Variants in CFTR observed in about 807,000 individuals in gnomAD.
The protein encoded by CFTR is cystic fibrosis transmembrane conductance regulator.
A neutral mutation model predicts 171.6 loss-of-function variants in CFTR; 181 were observed. The observed-to-expected ratio is 1.05, with a 90% CI of 0.93 to 1.19. CFTR has a LOEUF of 1.19. CFTR is among the 50% of genes most tolerant of loss of function. The pLI, the probability that CFTR is intolerant of heterozygous loss-of-function variation, is 0.00. For synonymous variants in CFTR, 583 were observed against 608.0 expected (o/e 0.96, Z 0.60); for missense variants, 1,968 against 1,734.7 (o/e 1.13, Z -2.39).
chr7:117,620,860 A>C (rs570740462), intron 21 of CFTR, among the ~76,000 whole-genome samples: 33 of 152,260 alleles, frequency 2.2e-4, no homozygotes, highest in African/African-American at 7.5e-4. Context: ...TAATCCCAGC[A>C]CTTTGAGAGC....
rs376666464 is a variant in CFTR, at chr7:117,508,967, A to C, written c.165-67A>C. ...TACTTGTGTGAATCAAACTATGTTA[A>C]GGGAAATAGGACAACTAAAATATTT... On this transcript the variant is annotated intron_variant, in intron 2 of 26. Transcript: ENST00000003084. The C allele has an allele frequency of 5.7e-4, 559 of 972,500 alleles. 15 individuals are homozygous for C. The South Asian group carries it at 6.9e-3, about 12-fold the overall frequency. 60.2% of individuals were successfully genotyped at this position (972,500 alleles called of 1,614,324 possible).
At chr7:117,617,727 A>G (rs1184713477) in intron 21 of CFTR, among the ~76,000 whole-genome samples, 1 of 151,748 alleles carries the variant, frequency 6.6e-6, no homozygotes, top group Non-Finnish European at 1.5e-5. Context: ...AATATGCAAT[A>G]CCTCCCTCTT....
At chr7:117,512,171 G>C (rs1798529488) in intron 3 of CFTR, among the ~76,000 whole-genome samples, 1 of 151,996 alleles carries the variant, frequency 6.6e-6, no homozygotes, top group African/African-American at 2.4e-5. Flanking sequence ...AACTGTGAAA[G>C]GTTAAAAAAA....
intron 11 of CFTR, among the ~76,000 whole-genome samples, chr7:117,568,039 A>T (rs966996272): frequency 6.6e-6 from 1 of 152,188 alleles, no homozygotes; most frequent in African/African-American, 2.4e-5. Context: ...ACGAGGCCTG[A>T]TGCCAAGAGA....
intron 11 of CFTR, among the ~76,000 whole-genome samples, chr7:117,566,280 C>T (rs977132781): frequency 3.3e-5 from 5 of 151,258 alleles, no homozygotes; most frequent in Admixed American, 1.3e-4. Context: ...CACACACACA[C>T]ACACACTAGC....
rs559770566 is a variant in CFTR at position 117,628,169 on chromosome 7, CT to C, written c.3717+406del. Among the ~76,000 whole-genome samples the C allele has an allele frequency of 1.2e-4, 19 of 152,176 alleles. No homozygotes were observed. In the East Asian group the frequency reaches 1.4e-3, roughly 11 times the overall value. ...GTTCCATTCTGCCAAACAAGTGATA[CT>C]TTTTTTCTAGCTTTTTTCAGTTTGT... is the stretch of plus-strand genomic sequence containing the variant. On this transcript the variant is annotated intron_variant, in intron 22 of 26. Coordinates refer to ENST00000003084, the MANE Select transcript of CFTR (RefSeq NM_000492.4).
chr7:117,550,911 T>C (rs950697127), intron 10 of CFTR, among the ~76,000 whole-genome samples: 3 of 152,200 alleles, frequency 2.0e-5, no homozygotes, highest in African/African-American at 7.2e-5. Context: ...CTTTTAGTAG[T>C]ATTAGGAATG....
intron 20 of CFTR, among the ~76,000 whole-genome samples, chr7:117,614,149 C>T (rs1484730706): frequency 6.6e-6 from 1 of 151,910 alleles, no homozygotes; most frequent in Admixed American, 6.6e-5. Flanking sequence ...CTTGCAAAGG[C>T]ACAGAACACA....
chr7:117,629,961 C>T (rs1485516872), intron 22 of CFTR, among the ~76,000 whole-genome samples: 7 of 152,150 alleles, frequency 4.6e-5, no homozygotes, highest in African/African-American at 1.7e-4. Context: ...GATCTTAAAC[C>T]CAGATACCAT....
At chr7:117,480,819 C>T (rs1343125904) in intron 1 of CFTR, among the ~76,000 whole-genome samples, 1 of 152,068 alleles carries the variant, frequency 6.6e-6, no homozygotes, top group East Asian at 1.9e-4. Context: ...GTATTCATAG[C>T]CTAATGTGAT....
Position 117,542,039 on chromosome 7 carries a change from T to A in CFTR, c.1140T>A (p.Tyr380Ter), listed in dbSNP as rs1236277028. 2 of 1,575,816 alleles carry A rather than the reference T, an allele frequency of 1.3e-6. No homozygotes were observed. Among genetic ancestry groups the A allele is most frequent in the South Asian group, 1.1e-5 (1 of 90,232 alleles). The change falls in exon 9 of 27, where the codon TAT (tyrosine) becomes TAA (stop). Residue 380 changes from tyrosine to a stop codon, truncating the protein, a stop_gained. Coordinates refer to ENST00000003084, the MANE Select transcript of CFTR (RefSeq NM_000492.4). LOFTEE classifies it high-confidence loss of function. Reference sequence around the variant, plus strand: ...AGGATTTCTTACAAAAGCAAGAATATAAGACATTGGAATATAACTTAACGA... The same window carrying A: ...AGGATTTCTTACAAAAGCAAGAATAAAAGACATTGGAATATAACTTAACGA... Reference protein sequence around the residue: ...KIQDFLQKQEYKTLEYNLTTT... With the variant: ...KIQDFLQKQE
intron 21 of CFTR, among the ~76,000 whole-genome samples, chr7:117,621,971 T>C (rs539324411): frequency 2.0e-5 from 3 of 152,334 alleles, no homozygotes; most frequent in East Asian, 3.9e-4. Context: ...TGGTGTTAAC[T>C]TGGGATATGC....
chr7:117,532,746 T>C (rs951853659), intron 4 of CFTR, among the ~76,000 whole-genome samples: 1 of 152,194 alleles, frequency 6.6e-6, no homozygotes, highest in African/African-American at 2.4e-5. Context: ...CCTTTCTCAA[T>C]GTTGCATATC....
At chr7:117,578,129 T>C (rs1791797717) in intron 11 of CFTR, among the ~76,000 whole-genome samples, 1 of 152,092 alleles carries the variant, frequency 6.6e-6, no homozygotes, top group African/African-American at 2.4e-5. Context: ...ATAGCCAAGT[T>C]ATTGTACAGT....
intron 17 of CFTR, chr7:117,605,007 G>A (rs1455565042): frequency 1.3e-5 from 2 of 152,204 alleles, no homozygotes; most frequent in Non-Finnish European, 1.5e-5. Context: ...GTGAAGAAAA[G>A]AATATTTCAG....
intron 21 of CFTR, 68 bp downstream of exon 21, chr7:117,614,781 C>T (rs1792459906): frequency 6.2e-6 from 6 of 972,352 alleles, no homozygotes; most frequent in Non-Finnish European, 1.0e-5. Context: ...TGAGTAATAG[C>T]ATGAGGAAGA....
intron 21 of CFTR, among the ~76,000 whole-genome samples, chr7:117,625,772 T>C (rs980019606): frequency 6.6e-5 from 10 of 152,168 alleles, no homozygotes; most frequent in Admixed American, 5.2e-4. Flanking sequence ...ACTACATCTC[T>C]GGCAGTTTCA....
In CFTR at chr7:117,548,671, C is replaced by T. The variant is rs397508183; in HGVS notation, c.1240C>T (p.Gln414Ter). ...TGGGGAATTATTTGAGAAAGCAAAA[C>T]AAAACAATAACAATAGAAAAACTTC... is the stretch of plus-strand genomic sequence containing the variant. ...GFGELFEKAK[Q>*]NNNNRKTSNG... Residue 414 changes from glutamine (Q) to a stop codon, truncating the protein, a stop_gained, in exon 10 of 27, where the codon CAA becomes TAA. Transcript: ENST00000003084. LOFTEE classifies it high-confidence loss of function. The T allele has an allele frequency of 6.2e-7, 1 of 1,612,686 alleles. No individual in the cohort carries two copies. Among genetic ancestry groups the T allele is most frequent in the Non-Finnish European group, 8.5e-7 (1 of 1,179,344 alleles).
chr7:117,603,898 G>A, intron 17 of CFTR, 116 bp downstream of exon 17: 1 of 1,088,018 alleles, frequency 9.2e-7, no homozygotes, highest in African/African-American at 1.5e-5. Flanking sequence ...GCCCTTTGTT[G>A]AACCTCCATT....
Sources: gnomAD v4.1 joint callset for allele counts (sites outside exome capture counted in the v4.1 genomes callset) on GRCh38, gnomAD v4.1.1 for gene constraint, MANE v1.5 for transcripts, NCBI Gene and HGNC (gene_info 2026-07-23, HGNC 2026-07-21) for gene names.